Variants in SHPRH observed in about 807,000 individuals in gnomAD.
The protein encoded by SHPRH is SNF2 histone linker PHD RING helicase.
In SHPRH, 106 loss-of-function variants were observed where a neutral mutation model predicts 202.5. The observed-to-expected ratio is 0.52, with a 90% CI of 0.45 to 0.62. SHPRH has a LOEUF of 0.62. Among genes scored for constraint, SHPRH ranks in the 20% least tolerant of loss-of-function variants. The pLI, the probability that SHPRH is intolerant of heterozygous loss-of-function variation, is 0.00. For missense variants in SHPRH, 1,710 were observed against 2,020.0 expected (o/e 0.85, Z 2.94); for synonymous variants, 729 against 686.0 (o/e 1.06, Z -0.98).
At chr6:145,898,004 T>A (rs1179091602) in intron 25 of SHPRH, among the ~76,000 whole-genome samples, 1 of 151,550 alleles carries the variant, frequency 6.6e-6, no homozygotes, top group Admixed American at 6.6e-5. Flanking sequence ...GTATTGGAAG[T>A]CTTAGCTAGA....
At position 145,885,065 on chromosome 6, in the gene SHPRH, G is replaced by T. The variant is rs764822310; in HGVS notation, c.*1626C>A. Reference sequence around the variant, plus strand: ...TCAGCATGACATGTTATTAGTAAAAGAATGTAAGATATGGAGTCAGGGGAC... The same window carrying T: ...TCAGCATGACATGTTATTAGTAAAATAATGTAAGATATGGAGTCAGGGGAC... On this transcript the variant is annotated 3_prime_UTR_variant, in exon 30 of 30. Transcript: ENST00000275233. 1 of 152,132 alleles carries T rather than the reference G, an allele frequency of 6.6e-6. No individual in the cohort carries two copies. Among genetic ancestry groups the T allele is most frequent in the Non-Finnish European group, 1.5e-5 (1 of 68,024 alleles). The allele number at this position is 152,132 out of a possible 1,614,324, so 9.4% of individuals were successfully genotyped here.
chr6:145,915,646 G>A (rs1048971104), intron 23 of SHPRH, among the ~76,000 whole-genome samples: 6 of 151,906 alleles, frequency 3.9e-5, no homozygotes, highest in Non-Finnish European at 7.4e-5. Flanking sequence ...GGAAAATACC[G>A]AAACATCTTT....
In SHPRH at chr6:145,943,594, T is replaced by A; in HGVS notation, c.1787A>T (p.Asp596Val). Reference protein sequence around the residue: ...KGKSQPFINPDSQGHCPATSD... With the variant: ...KGKSQPFINPVSQGHCPATSD... ...AGTAGCTGGACAGTGACCTTGTGAATCGGGATTGATAAATGGTTGACTTTT... is the reference window on the plus strand; with the variant it reads ...AGTAGCTGGACAGTGACCTTGTGAAACGGGATTGATAAATGGTTGACTTTT... The change falls in exon 9 of 30, where the codon GAT becomes GTT. Residue 596 changes from aspartate (D) to valine (V), a missense_variant. Transcript: ENST00000275233. 1.2e-6 allele frequency: 2 copies of A among 1,613,924 alleles called. No homozygotes were observed. The highest frequency in any genetic ancestry group is 1.7e-6 in the Non-Finnish European group (2 of 1,179,894).
intron 28 of SHPRH, among the ~76,000 whole-genome samples, chr6:145,889,084 A>G (rs138111684): frequency 1.3e-5 from 2 of 152,200 alleles, no homozygotes; most frequent in Admixed American, 6.5e-5. Context: ...GAGTCCAGAG[A>G]TATGTGTGCA....
chr6:145,914,222 T>C (rs553453226), intron 23 of SHPRH, among the ~76,000 whole-genome samples: 4 of 152,184 alleles, frequency 2.6e-5, no homozygotes, highest in Admixed American at 2.0e-4. Flanking sequence ...TGGTAGGCTA[T>C]CTGGTCTGCA....
At chr6:145,940,012 C>T (rs1212011099) in intron 11 of SHPRH, among the ~76,000 whole-genome samples, 1 of 152,062 alleles carries the variant, frequency 6.6e-6, no homozygotes, top group Non-Finnish European at 1.5e-5. Flanking sequence ...TAGGGAAATA[C>T]ATAAAACAAG....
intron 23 of SHPRH, 72 bp from the exon 24 acceptor site, chr6:145,913,621 T>G: frequency 7.8e-7 from 1 of 1,289,408 alleles, no homozygotes; most frequent in South Asian, 1.3e-5. Flanking sequence ...GTTTTGCAAC[T>G]CATTTATGGA....
chr6:145,899,139 C>T (rs921324767), intron 25 of SHPRH, among the ~76,000 whole-genome samples: 2 of 151,956 alleles, frequency 1.3e-5, no homozygotes, highest in South Asian at 2.1e-4. Flanking sequence ...TATAAATTAC[C>T]CAGCCTCAAA....
At chr6:145,876,142 T>C (rs1780290006) in intron 2 of SHPRH, among the ~76,000 whole-genome samples, 1 of 152,200 alleles carries the variant, frequency 6.6e-6, no homozygotes, top group African/African-American at 2.4e-5. Context: ...AGAAACCCCA[T>C]GCCCATTAGC....
downstream of SHPRH, among the ~76,000 whole-genome samples, chr6:145,861,702 T>C (rs900162174): frequency 2.0e-5 from 3 of 152,182 alleles, no homozygotes; most frequent in South Asian, 2.1e-4. Flanking sequence ...CCTGTGTTCA[T>C]TGACAAATGA....
rs780653690 is a variant in SHPRH, at chr6:145,886,756, C to A, written c.4987G>T (p.Ala1663Ser). The change falls in exon 30 of 30, where the codon GCC becomes TCC. Residue 1663 changes from alanine to serine, a missense_variant. Around this residue, in one of 8 missense-constraint regions of SHPRH, gnomAD observed 306 missense variants for 479.5 expected, o/e 0.64. Transcript: ENST00000275233. Reference sequence around the variant, plus strand: ...AGGTCAGCCACAGTCAAGACAGAGGCCTCTGAATGCTTTGCTGATGAGTTC... The same window carrying A: ...AGGTCAGCCACAGTCAAGACAGAGGACTCTGAATGCTTTGCTGATGAGTTC... ...HTNSSAKHSE[A>S]SVLTVADLAD... 2 of 1,613,696 alleles carry A rather than the reference C, an allele frequency of 1.2e-6. No individual in the cohort carries two copies. The highest frequency in any genetic ancestry group is 1.7e-6 in the Non-Finnish European group (2 of 1,179,744).
chr6:145,955,156 A>T lies in SHPRH; in HGVS notation c.167T>A (p.Ile56Asn). Residue 56 changes from isoleucine to asparagine, a missense_variant, in exon 2 of 30, where the codon ATT (isoleucine) becomes AAT (asparagine). Ile to Asn is a moderately radical substitution (Grantham distance 149). Transcript: ENST00000275233. ...GSDTSSAHYIILSDSLKEEVA... is the reference protein window; with the variant it reads ...GSDTSSAHYINLSDSLKEEVA... The stretch of plus-strand genomic sequence containing the variant: ...TTCTTCCTTTAGACTATCACTTAGA[A>T]TGATATAATGAGCAGAAGAGGTATC... 6.2e-7 allele frequency: 1 copy of T among 1,613,850 alleles called. No individual in the cohort carries two copies. Among genetic ancestry groups the T allele is most frequent in the Non-Finnish European group, 8.5e-7 (1 of 1,179,962 alleles).
chr6:145,953,659 A>G (rs1176505941), intron 2 of SHPRH, among the ~76,000 whole-genome samples: 1 of 152,140 alleles, frequency 6.6e-6, no homozygotes, highest in Non-Finnish European at 1.5e-5. Context: ...TAACATTTTA[A>G]ATTTTCAGGT....
intron 11 of SHPRH, among the ~76,000 whole-genome samples, chr6:145,937,663 A>T (rs1582766285): frequency 6.6e-6 from 1 of 152,138 alleles, no homozygotes; most frequent in African/African-American, 2.4e-5. Context: ...GGCAAATAAC[A>T]TCCTCCATGG....
chr6:145,955,020 A>C lies in SHPRH; in HGVS notation c.303T>G (p.Ile101Met). The change falls in exon 2 of 30, where the codon ATT (isoleucine) becomes ATG (methionine). Residue 101 changes from isoleucine (I) to methionine (M), a missense_variant. Physicochemically the swap from Ile to Met is conservative, Grantham distance 10. This residue lies in a region of SHPRH where 459 missense variants were observed against 426.5 expected (regional missense o/e 1.08). Coordinates refer to ENST00000275233, the MANE Select transcript of SHPRH (RefSeq NM_001042683.3). ...IFSPLSVKLNIVISPYHFDNS... is the reference protein window; with the variant it reads ...IFSPLSVKLNMVISPYHFDNS... ...TATCAAAATGATAGGGAGAAATCAC[A>C]ATATTTAACTTTACAGACAAAGGGG... 6.2e-7 allele frequency: 1 copy of C among 1,613,490 alleles called. No individual in the cohort carries two copies. The highest frequency in any genetic ancestry group is 8.5e-7 in the Non-Finnish European group (1 of 1,179,926).
At chr6:145,868,594 C>T (rs1779910109) in intron 2 of SHPRH, among the ~76,000 whole-genome samples, 1 of 152,144 alleles carries the variant, frequency 6.6e-6, no homozygotes, top group Non-Finnish European at 1.5e-5. Flanking sequence ...TAAGGTACGA[C>T]ACAGGAAGAC....
chr6:145,930,364 T>C lies in SHPRH; in HGVS notation c.3112+2693A>G, dbSNP rs149816095. On this transcript the variant is annotated intron_variant, in intron 14 of 29. Transcript: ENST00000275233. ...TGAAGTCTCCGATATGAAACTTTTTTCTTTTCTAGTACATGTTTAATGCTA... is the reference window on the plus strand; with the variant it reads ...TGAAGTCTCCGATATGAAACTTTTTCCTTTTCTAGTACATGTTTAATGCTA... 2.4e-3 allele frequency among the ~76,000 whole-genome samples: 351 copies of C among 148,872 alleles called. 12 individuals carry two copies. In the South Asian group the frequency reaches 0.051, roughly 22 times the overall value.
chr6:145,867,669 G>GAGAA (rs1554220346), intron 2 of SHPRH, among the ~76,000 whole-genome samples: 17 of 138,820 alleles, frequency 1.2e-4, no homozygotes, highest in South Asian at 4.9e-4. Flanking sequence ...GAGAGAGAGA[G>GAGAA]AGAGGTGAAG....
intron 7 of SHPRH, 117 bp downstream of exon 7, chr6:145,946,116 C>A: frequency 1.5e-6 from 1 of 652,138 alleles, no homozygotes; most frequent in Non-Finnish European, 2.4e-6. Flanking sequence ...TTATCAAAAG[C>A]ATATATAACT....
Sources: gnomAD v4.1 joint callset for allele counts (sites outside exome capture counted in the v4.1 genomes callset) on GRCh38, gnomAD v4.1.1 for gene constraint, gnomAD v4.1.1 regional missense constraint, MANE v1.5 for transcripts, NCBI Gene and HGNC (gene_info 2026-07-23, HGNC 2026-07-21) for gene names.